The following KLHL24 variants were observed in gnomAD, a reference collection of about 807,000 sequenced individuals.
KLHL24 encodes the protein kelch-like protein 24.
Under a neutral mutation model 53.4 loss-of-function variants are expected in KLHL24, and 29 were observed. The observed-to-expected ratio is 0.54, with a 90% CI of 0.40 to 0.74. The LOEUF is 0.74. Ranked by LOEUF, KLHL24 falls within the 30% of genes least tolerant of loss-of-function variation. KLHL24 has a pLI of 0.00. For synonymous variants in KLHL24, 222 were observed against 253.7 expected (o/e 0.88, Z 1.19); for missense variants, 504 against 744.0 (o/e 0.68, Z 3.75).
At chr3:183,640,676 T>C (rs1716274363) in intron 1 of KLHL24, among the ~76,000 whole-genome samples, 1 of 151,312 alleles carries the variant, frequency 6.6e-6, no homozygotes, top group South Asian at 2.1e-4. Context: ...CTTGGCTCAC[T>C]GCAACCTCCG....
Position 183,650,319 on chromosome 3 carries a change from G to A in KLHL24, c.-38G>A. The A allele has an allele frequency of 6.6e-7, 1 of 1,516,430 alleles. No homozygotes were observed. The highest frequency in any genetic ancestry group is 2.3e-5 in the East Asian group (1 of 44,036). 93.9% of individuals were successfully genotyped at this position (1,516,430 alleles called of 1,614,324 possible). ...AGCCACATAAAGAAGATCCCTAATA[G>A]TCATTTCTCAACAATTATATAGTCA... is the stretch of plus-strand genomic sequence containing the variant. On this transcript the variant is annotated 5_prime_UTR_variant, in exon 3 of 8. Transcript: ENST00000242810. This position sits in a 1 kb window ranked among gnomAD's most constrained non-coding sequence, Gnocchi z 4.5.
chr3:183,679,022 CTGTT>C (rs1401551084), intron 7 of KLHL24, 60 bp from the exon 8 acceptor site: 2 of 1,361,422 alleles, frequency 1.5e-6, no homozygotes, highest in South Asian at 1.2e-5. Flanking sequence ...TTTTGCTTTT[CTGTT>C]TGTTACCAAA....
intron 3 of KLHL24, among the ~76,000 whole-genome samples, chr3:183,652,481 T>G (rs933644859): frequency 1.2e-4 from 18 of 152,322 alleles, no homozygotes; most frequent in African/African-American, 4.3e-4. Flanking sequence ...CTTTACTGTC[T>G]TAATCATTTT....
At chr3:183,651,306 C>T (rs768306459) in intron 3 of KLHL24, 30 bp downstream of exon 3, 2 of 1,551,158 alleles carry the variant, frequency 1.3e-6, no homozygotes, top group African/African-American at 2.7e-5. Flanking sequence ...ATATAGTTAA[C>T]AAAAGTTTTT....
At chr3:183,653,380 A>G (rs1179928704) in intron 3 of KLHL24, among the ~76,000 whole-genome samples, 2 of 152,164 alleles carry the variant, frequency 1.3e-5, no homozygotes, top group African/African-American at 2.4e-5. Flanking sequence ...GTGAAACAGA[A>G]GGATTTTATT....
Position 183,678,145 on chromosome 3 carries a change from A to G in KLHL24, c.1603-941A>G, listed in dbSNP as rs566350494. Among the ~76,000 whole-genome samples the G allele has an allele frequency of 8.3e-4, 126 of 152,338 alleles. 1 individual carries two copies. Among genetic ancestry groups the G allele is most frequent in the Non-Finnish European group, 1.6e-4 (11 of 68,026 alleles). On this transcript the variant is annotated intron_variant, in intron 7 of 7. Coordinates refer to ENST00000242810, the MANE Select transcript of KLHL24 (RefSeq NM_017644.3). Reference sequence around the variant, plus strand: ...ATCCTTGCAAGAATATTTGTTTTATATAGTAACTGTGTTATTGACAGAGAA... The same window carrying G: ...ATCCTTGCAAGAATATTTGTTTTATGTAGTAACTGTGTTATTGACAGAGAA...
chr3:183,641,515 T>C (rs78258599), intron 1 of KLHL24, among the ~76,000 whole-genome samples: 9,993 of 150,310 alleles, frequency 0.066, 1,202 homozygotes, highest in African/African-American at 0.24. Context: ...ATTGCAATTA[T>C]TTTCTGACTT....
In KLHL24 at chr3:183,663,765, A is replaced by G; in HGVS notation, c.1105+123A>G. 2 of 547,204 alleles carry G rather than the reference A, an allele frequency of 3.7e-6. No individual in the cohort carries two copies. Among genetic ancestry groups the G allele is most frequent in the Non-Finnish European group, 5.8e-6 (2 of 341,956 alleles). 33.9% of individuals were successfully genotyped at this position (547,204 alleles called of 1,614,324 possible). On this transcript the variant is annotated intron_variant, in intron 4 of 7. Transcript: ENST00000242810. This position sits in a 1 kb window ranked among gnomAD's most constrained non-coding sequence, Gnocchi z 4.9. ...CCCACTTGAGGAAGATCAGTTTACA[A>G]CAAATAAAACCAAGAATGACTTTTT...
At chr3:183,642,822 C>G (rs370001205) in intron 1 of KLHL24, 18 of 151,858 alleles carry the variant, frequency 1.2e-4, no homozygotes, top group Admixed American at 7.2e-4. Context: ...AAAGTGTATT[C>G]AAATATCACA....
intron 1 of KLHL24, among the ~76,000 whole-genome samples, chr3:183,637,549 G>C: frequency 6.6e-6 from 1 of 152,194 alleles, no homozygotes; most frequent in East Asian, 1.9e-4. Context: ...ATAGTGTGTT[G>C]AAAATGGTTT....
chr3:183,679,252 T>C lies in KLHL24; in HGVS notation c.1769T>C (p.Ile590Thr). The change falls in exon 8 of 8, where the codon ATT becomes ACT. Residue 590 changes from isoleucine to threonine, a missense_variant. Transcript: ENST00000242810. Reference protein sequence around the residue: ...RPVSYHGCVTIHRYNEKCFKL With the variant: ...RPVSYHGCVTTHRYNEKCFKL ...GTGTCCTATCATGGCTGTGTGACTA[T>C]TCATAGATACAATGAGAAATGCTTT... is the stretch of plus-strand genomic sequence containing the variant. The C allele has an allele frequency of 6.2e-7, 1 of 1,614,050 alleles. No individual in the cohort carries two copies. Among genetic ancestry groups the C allele is most frequent in the Non-Finnish European group, 8.5e-7 (1 of 1,179,946 alleles).
intron 5 of KLHL24, among the ~76,000 whole-genome samples, chr3:183,668,672 C>T (rs1159700585): frequency 1.3e-5 from 2 of 151,974 alleles, no homozygotes; most frequent in African/African-American, 4.8e-5. Context: ...TTTGGGAGGC[C>T]GAGGCAGGCA....
At chr3:183,670,833 C>T (rs549395107) in intron 5 of KLHL24, among the ~76,000 whole-genome samples, 67 of 152,024 alleles carry the variant, frequency 4.4e-4, no homozygotes, top group Non-Finnish European at 8.5e-4. Context: ...GAAGAAAATA[C>T]CTAAAAAGGC....
chr3:183,650,148 T>C lies in KLHL24; in HGVS notation c.-61-148T>C. 1 of 484,766 alleles carries C rather than the reference T, an allele frequency of 2.1e-6. No homozygotes were observed. The highest frequency in any genetic ancestry group is 3.6e-6 in the Non-Finnish European group (1 of 278,916). 30.0% of individuals were successfully genotyped at this position (484,766 alleles called of 1,614,324 possible). A position where few individuals can be genotyped will look rare whatever the true frequency, so the allele number is the denominator to read the frequency against. On this transcript the variant is annotated intron_variant, in intron 2 of 7. Coordinates refer to ENST00000242810, the MANE Select transcript of KLHL24 (RefSeq NM_017644.3). This position sits in a 1 kb window ranked among gnomAD's most constrained non-coding sequence, Gnocchi z 4.5. Reference sequence around the variant, plus strand: ...TTGTTCAAATGCAAATTTTTGTTGATTAGTTTTTATTAACATGAGATAGTG... The same window carrying C: ...TTGTTCAAATGCAAATTTTTGTTGACTAGTTTTTATTAACATGAGATAGTG...
chr3:183,665,265 T>C (rs1720364681), intron 5 of KLHL24, among the ~76,000 whole-genome samples: 1 of 152,234 alleles, frequency 6.6e-6, no homozygotes, highest in Admixed American at 6.5e-5. Context: ...AGCACATTTC[T>C]CTTCTCATGC....
At chr3:183,657,012 C>T (rs1171224254) in intron 3 of KLHL24, among the ~76,000 whole-genome samples, 1 of 151,974 alleles carries the variant, frequency 6.6e-6, no homozygotes, top group Non-Finnish European at 1.5e-5. Flanking sequence ...TACTGATTTC[C>T]ATATTTCCCA....
At chr3:183,648,042 G>T (rs1277146848) in intron 2 of KLHL24, among the ~76,000 whole-genome samples, 4 of 152,032 alleles carry the variant, frequency 2.6e-5, no homozygotes, top group African/African-American at 9.7e-5. Context: ...AACTCCAATA[G>T]CAATATCTTA....
chr3:183,645,355 A>G (rs1717067327), intron 2 of KLHL24, among the ~76,000 whole-genome samples: 1 of 152,236 alleles, frequency 6.6e-6, no homozygotes, highest in Non-Finnish European at 1.5e-5. Flanking sequence ...GATAACTTCA[A>G]ATTAAAAGCA....
chr3:183,679,271 A>G lies in KLHL24; in HGVS notation c.1788A>G (p.Lys596=). The G allele has an allele frequency of 3.1e-6, 5 of 1,613,816 alleles. No homozygotes were observed. The highest frequency in any genetic ancestry group is 4.2e-6 in the Non-Finnish European group (5 of 1,179,760). Residue 596 remains lysine, a synonymous_variant, in exon 8 of 8, where the codon AAA becomes AAG. Transcript: ENST00000242810. ...GCVTIHRYNE[K]CFKL ...TGACTATTCATAGATACAATGAGAA[A>G]TGCTTTAAACTCTGAAGACAGGATA...
Sources: gnomAD v4.1 joint callset for allele counts (sites outside exome capture counted in the v4.1 genomes callset) on GRCh38, gnomAD v4.1.1 for gene constraint, Gnocchi (gnomAD v3.1) non-coding constraint, MANE v1.5 for transcripts, NCBI Gene and HGNC (gene_info 2026-07-23, HGNC 2026-07-21) for gene names.